The following ADAMTS2 variants were observed in gnomAD, a reference collection of about 807,000 sequenced individuals.
ADAMTS2 encodes the protein ADAM metallopeptidase with thrombospondin type 1 motif 2.
Under a neutral mutation model 123.0 loss-of-function variants are expected in ADAMTS2, and 50 were observed. That is an observed-to-expected ratio of 0.41 (90% confidence interval 0.32 to 0.51). The LOEUF (loss-of-function observed/expected upper bound fraction) is 0.51, where lower values mean the gene tolerates loss of function less well. Ranked by LOEUF, ADAMTS2 falls within the 20% of genes least tolerant of loss-of-function variation. The pLI, the probability that ADAMTS2 is intolerant of heterozygous loss-of-function variation, is 0.35. For synonymous variants in ADAMTS2, 678 were observed against 695.4 expected, an observed-to-expected ratio of 0.98 and a Z score of 0.39; for missense variants, 1,494 against 1,705.2, an observed-to-expected ratio of 0.88 and a Z score of 2.18.
intron 13 of ADAMTS2, among the ~76,000 whole-genome samples, chr5:179,135,152 C>T (rs1763043443): frequency 6.9e-6 from 1 of 144,978 alleles, no homozygotes; most frequent in Non-Finnish European, 1.5e-5. Context: ...GCTCCAGCCC[C>T]CAGCTCCCGA....
chr5:179,243,818 A>G (rs914162576), intron 3 of ADAMTS2, among the ~76,000 whole-genome samples: 1 of 152,256 alleles, frequency 6.6e-6, no homozygotes, highest in Admixed American at 6.5e-5. Context: ...ACAATATCTC[A>G]TCAAATAAAG....
chr5:179,160,328 G>A (rs534368466), intron 5 of ADAMTS2, among the ~76,000 whole-genome samples: 33 of 152,268 alleles, frequency 2.2e-4, no homozygotes, highest in South Asian at 1.7e-3. Context: ...GCTTGGTGGC[G>A]TAATCCCAGC....
At chr5:179,291,190 C>T (rs552111350) in intron 2 of ADAMTS2, among the ~76,000 whole-genome samples, 4 of 152,244 alleles carry the variant, frequency 2.6e-5, no homozygotes, top group East Asian at 1.9e-4. Flanking sequence ...AGAATGAGTG[C>T]GGGGCTCTGG....
intron 3 of ADAMTS2, among the ~76,000 whole-genome samples, chr5:179,237,599 C>G (rs1305981913): frequency 6.6e-6 from 1 of 152,164 alleles, no homozygotes; most frequent in East Asian, 1.9e-4. Flanking sequence ...TGCTGCCCAG[C>G]TCTGGGAGGC....
At position 179,153,506 on chromosome 5, in the gene ADAMTS2, G is replaced by A. The variant is rs1763406502; in HGVS notation, c.1500C>T (p.Tyr500=). 1 of 1,609,686 alleles carries A rather than the reference G, an allele frequency of 6.2e-7. No homozygotes were observed. Among genetic ancestry groups the A allele is most frequent in the South Asian group, 1.1e-5 (1 of 91,082 alleles). Residue 500 remains tyrosine, a synonymous_variant, in exon 9 of 22, where the codon TAC becomes TAT. Coordinates refer to ENST00000251582, the MANE Select transcript of ADAMTS2 (RefSeq NM_014244.5). The stretch of plus-strand genomic sequence containing the variant: ...GCACACTCACCGCCGTGCACATCAT[G>A]TAGCCCAGGCCGAAGTCAAAGCGGC... The part of the protein sequence containing the change: ...EQCRFDFGLG[Y]MMCTAFRTFD...
intron 12 of ADAMTS2, among the ~76,000 whole-genome samples, chr5:179,137,509 G>A (rs1581146791): frequency 6.6e-6 from 1 of 152,238 alleles, no homozygotes; most frequent in East Asian, 1.9e-4. Flanking sequence ...GGCCCCTGCC[G>A]AGCCCGCAGC....
intron 2 of ADAMTS2, among the ~76,000 whole-genome samples, chr5:179,297,825 C>G (rs896851754): frequency 2.0e-5 from 3 of 152,180 alleles, no homozygotes; most frequent in Non-Finnish European, 2.9e-5. Context: ...GCCTCCTCCT[C>G]TCTAAAGTCC....
chr5:179,316,236 T>G (rs1295608531), intron 2 of ADAMTS2, among the ~76,000 whole-genome samples: 1 of 152,172 alleles, frequency 6.6e-6, no homozygotes, highest in African/African-American at 2.4e-5. Context: ...CAAAGGCTCT[T>G]GCCTGGAGGG....
Position 179,224,074 on chromosome 5 carries a change from G to A in ADAMTS2, c.689-16359C>T, listed in dbSNP as rs1002149112. ...GACGAGGCGCAGCGTGGATGCGGGCGGATTGTCTGTATCTCCTTGGTGGGA... is the reference window on the plus strand; with the variant it reads ...GACGAGGCGCAGCGTGGATGCGGGCAGATTGTCTGTATCTCCTTGGTGGGA... On this transcript the variant is annotated intron_variant, in intron 3 of 21. Transcript: ENST00000251582. Among the ~76,000 whole-genome samples, 5 of 152,332 alleles carry A rather than the reference G, an allele frequency of 3.3e-5. No individual in the cohort carries two copies. The East Asian group carries it at 5.8e-4, about 18-fold the overall frequency.
intron 4 of ADAMTS2, among the ~76,000 whole-genome samples, chr5:179,195,372 G>A (rs1029222526): frequency 2.0e-5 from 3 of 152,328 alleles, no homozygotes; most frequent in South Asian, 4.1e-4. Flanking sequence ...CTTCTAGGCT[G>A]GAAAGAACAC....
chr5:179,244,158 T>C (rs1454033269), intron 3 of ADAMTS2, among the ~76,000 whole-genome samples: 1 of 152,076 alleles, frequency 6.6e-6, no homozygotes, highest in Non-Finnish European at 1.5e-5. Context: ...TTAACCTACG[T>C]GTCCGAGAAA....
At chr5:179,187,745 C>T (rs560802856) in intron 4 of ADAMTS2, among the ~76,000 whole-genome samples, 1 of 152,322 alleles carries the variant, frequency 6.6e-6, no homozygotes, top group Admixed American at 6.5e-5. Flanking sequence ...GAAATTGATC[C>T]TGGAATCTTT....
At position 179,307,515 on chromosome 5, in the gene ADAMTS2, C is replaced by T. The variant is rs914310873; in HGVS notation, c.535-34451G>A. 1.3e-5 allele frequency among the ~76,000 whole-genome samples: 2 copies of T among 152,138 alleles called. No homozygotes were observed. The highest frequency in any genetic ancestry group is 1.9e-4 in the East Asian group (1 of 5,188). On this transcript the variant is annotated intron_variant, in intron 2 of 21. Coordinates refer to ENST00000251582, the MANE Select transcript of ADAMTS2 (RefSeq NM_014244.5). The surrounding 1 kb of genome is among the most constrained non-coding windows in gnomAD (Gnocchi z 5.6). Reference sequence around the variant, plus strand: ...ACGTATGCCAGGCTGGGAGCCCGGGCGTCCCAAGCCTGTGACCTCATTCTC... The same window carrying T: ...ACGTATGCCAGGCTGGGAGCCCGGGTGTCCCAAGCCTGTGACCTCATTCTC...
At chr5:179,135,121 G>A (rs187659180) in intron 13 of ADAMTS2, among the ~76,000 whole-genome samples, 2 of 108,554 alleles carry the variant, frequency 1.8e-5, no homozygotes, top group African/African-American at 3.2e-5. Flanking sequence ...CCCAGCTCCC[G>A]GCTCCAGCTC....
At chr5:179,157,194 C>T (rs1275130273) in intron 6 of ADAMTS2, among the ~76,000 whole-genome samples, 1 of 152,106 alleles carries the variant, frequency 6.6e-6, no homozygotes, top group Non-Finnish European at 1.5e-5. Flanking sequence ...AAGTGATCCG[C>T]CCGCCTTGGC....
intron 10 of ADAMTS2, among the ~76,000 whole-genome samples, chr5:179,141,730 T>G (rs1327660224): frequency 1.3e-5 from 2 of 152,078 alleles, no homozygotes; most frequent in African/African-American, 4.8e-5. Context: ...GAGGCTACAG[T>G]TTCATACTGA....
At chr5:179,290,180 G>A (rs1053060212) in intron 2 of ADAMTS2, among the ~76,000 whole-genome samples, 1 of 152,192 alleles carries the variant, frequency 6.6e-6, no homozygotes, top group Non-Finnish European at 1.5e-5. Context: ...GATCCCTCGT[G>A]AGTGGCTTGA....
rs1405060956 is a variant in ADAMTS2 at position 179,308,297 on chromosome 5, G to A, written c.535-35233C>T. Reference sequence around the variant, plus strand: ...AGCAGGAGACGCTGATGGGATGTCGGGAGTCACCAGGACCATCTGACAAAT... The same window carrying A: ...AGCAGGAGACGCTGATGGGATGTCGAGAGTCACCAGGACCATCTGACAAAT... On this transcript the variant is annotated intron_variant, in intron 2 of 21. Transcript: ENST00000251582. The surrounding 1 kb of genome is among the most constrained non-coding windows in gnomAD (Gnocchi z 6.6). Among the ~76,000 whole-genome samples the A allele has an allele frequency of 3.9e-5, 6 of 152,184 alleles. No homozygotes were observed. The highest frequency in any genetic ancestry group is 3.3e-4 in the Admixed American group (5 of 15,278).
At chr5:179,114,367 G>T in intron 21 of ADAMTS2, 43 bp from the exon 22 acceptor site, 1 of 1,575,948 alleles carries the variant, frequency 6.3e-7, no homozygotes, top group South Asian at 1.1e-5. Flanking sequence ...GACAAGATAA[G>T]GGGGACTTTG....
Sources: gnomAD v4.1 joint callset for allele counts (sites outside exome capture counted in the v4.1 genomes callset) on GRCh38, gnomAD v4.1.1 for gene constraint, Gnocchi (gnomAD v3.1) non-coding constraint, MANE v1.5 for transcripts, NCBI Gene and HGNC (gene_info 2026-07-23, HGNC 2026-07-21) for gene names.